NEB: variants seen among roughly 807,000 people sequenced by gnomAD.
NEB encodes the protein nemaline myopathy type 2.
A neutral mutation model predicts 952.2 loss-of-function variants in NEB; 512 were observed. That is an observed-to-expected ratio of 0.54 (90% CI 0.50 to 0.58). The LOEUF (loss-of-function observed/expected upper bound fraction) is 0.58. NEB is among the 20% of genes least tolerant of loss of function. NEB has a pLI of 0.00. For missense variants in NEB, 8,428 were observed against 9,231.1 expected (o/e 0.91, Z 3.56); for synonymous variants, 2,900 against 3,149.8 (o/e 0.92, Z 2.66).
At chr2:151,655,773 T>C in intron 50 of NEB, 44 bp downstream of exon 50, 1 of 1,589,504 alleles carries the variant, frequency 6.3e-7, no homozygotes, top group Non-Finnish European at 8.6e-7. Flanking sequence ...CCTGCTAGCC[T>C]TTCCTCACGT....
rs200297299 is a variant in NEB at position 151,727,817 on chromosome 2, T to C, written c.168A>G (p.Ala56=). 1 of 1,604,634 alleles carries C rather than the reference T, an allele frequency of 6.2e-7. No homozygotes were observed. Among genetic ancestry groups the C allele is most frequent in the East Asian group, 2.2e-5 (1 of 44,876 alleles). Residue 56 remains alanine (A), a synonymous_variant, in exon 5 of 182, where the codon GCA becomes GCG. Coordinates refer to ENST00000397345, the MANE Select transcript of NEB (RefSeq NM_001164508.2). The part of the protein sequence containing the change: ...ETSKPALAQP[A]LAQPASAKPV... Reference sequence around the variant, plus strand: ...GCTTTGCTGATGCTGGCTGTGCCAGTGCTGGCTGTGCCAGAGCTGGTTTGG... The same window carrying C: ...GCTTTGCTGATGCTGGCTGTGCCAGCGCTGGCTGTGCCAGAGCTGGTTTGG...
At chr2:151,560,528 T>C (rs1048424847) in intron 124 of NEB, 64 bp downstream of exon 124, 22 of 1,245,294 alleles carry the variant, frequency 1.8e-5, no homozygotes, top group Admixed American at 1.2e-4. Context: ...TGAAAGATTC[T>C]TGGAGTGGAG....
intron 57 of NEB, 27 bp downstream of exon 57, chr2:151,643,791 T>C: frequency 1.2e-6 from 2 of 1,602,658 alleles, no homozygotes; most frequent in Non-Finnish European, 1.7e-6. Context: ...TAATGTTTTG[T>C]TGGCCAAAGG....
At chr2:151,560,878 T>C in intron 123 of NEB, 126 bp downstream of exon 123, 4 of 765,918 alleles carry the variant, frequency 5.2e-6, no homozygotes. Flanking sequence ...TAAAGTAAGA[T>C]TGAAGGTCCA....
chr2:151,509,998 C>T (rs1163130700), intron 161 of NEB, among the ~76,000 whole-genome samples: 2 of 152,304 alleles, frequency 1.3e-5, no homozygotes, highest in South Asian at 2.1e-4. Flanking sequence ...TCAGAGCTTA[C>T]CTTTTAAGCT....
chr2:151,680,819 G>A lies in NEB; in HGVS notation c.2953C>T (p.Arg985Cys), dbSNP rs371287755. 35 of 1,611,302 alleles carry A rather than the reference G, an allele frequency of 2.2e-5. No homozygotes were observed. Among genetic ancestry groups the A allele is most frequent in the Middle Eastern group, 1.6e-4 (1 of 6,078 alleles). ...ASDILNEKKY[R>C]QHPDTLKFTS... is the part of the protein sequence containing the mutation. ...AACTTGAGGGTGTCTGGATGTTGGC[G>A]ATATTTTTTCTGTTTGGCAAATCAA... Residue 985 changes from arginine to cysteine, a missense_variant, in exon 30 of 182, where the codon CGC becomes TGC. Physicochemically the swap from Arg to Cys is radical, Grantham distance 180. Around this residue, in one of 11 missense-constraint regions of NEB, gnomAD observed 2,851 missense variants for 2,791.5 expected, o/e 1.02. Coordinates refer to ENST00000397345, the MANE Select transcript of NEB (RefSeq NM_001164508.2).
chr2:151,489,659 A>C (rs2152752793), intron 181 of NEB, among the ~76,000 whole-genome samples: 1 of 152,274 alleles, frequency 6.6e-6, no homozygotes, highest in South Asian at 2.1e-4. Flanking sequence ...AGCGTCCCAA[A>C]GTGCTGGCAT....
At chr2:151,675,200 T>C in intron 35 of NEB, 87 bp downstream of exon 35, 1 of 944,844 alleles carries the variant, frequency 1.1e-6, no homozygotes, top group South Asian at 1.4e-5. Context: ...TGGGCCTAAA[T>C]AAATTGTCAA....
chr2:151,634,982 G>A (rs151278908), intron 64 of NEB, among the ~76,000 whole-genome samples: 12 of 152,242 alleles, frequency 7.9e-5, no homozygotes, highest in South Asian at 2.1e-4. Context: ...ACAACTGACC[G>A]AGAAAGTGTA....
intron 112 of NEB, 43 bp from the exon 113 acceptor site, chr2:151,568,221 G>T (rs770684368): frequency 6.3e-7 from 1 of 1,593,450 alleles, no homozygotes; most frequent in East Asian, 2.2e-5. Context: ...TGAGGAGTCA[G>T]AAGGGAGGGG....
chr2:151,628,584 T>C (rs928961411), intron 68 of NEB, among the ~76,000 whole-genome samples: 57 of 152,296 alleles, frequency 3.7e-4, no homozygotes, highest in Non-Finnish European at 7.8e-4. Flanking sequence ...CTTATGCCTG[T>C]AATCCCAGCA....
intron 34 of NEB, 81 bp downstream of exon 34, chr2:151,677,484 A>T: frequency 9.1e-7 from 1 of 1,095,526 alleles, no homozygotes; most frequent in Non-Finnish European, 1.2e-6. Context: ...TTGGCCCAGA[A>T]AAAAAATATA....
At chr2:151,489,839 C>A in intron 181 of NEB, 132 bp downstream of exon 181, 2 of 527,154 alleles carry the variant, frequency 3.8e-6, no homozygotes, top group South Asian at 3.7e-5. Context: ...TAATATGAAA[C>A]ATGTAATAAA....
intron 84 of NEB, among the ~76,000 whole-genome samples, chr2:151,605,254 C>CA (rs1252913702): frequency 7.6e-6 from 1 of 130,966 alleles, no homozygotes; most frequent in Admixed American, 9.1e-5. Context: ...AGTTCATCCT[C>CA]ACAATGTCTC....
Position 151,512,851 on chromosome 2 carries a change from C to T in NEB, c.23242-14G>A, listed in dbSNP as rs1246644797. ...CTTATACTTAATCTGTAAAACAACA[C>T]CGAATAGTTGGGTAAATGTTTGCAA... On this transcript the variant is annotated splice_polypyrimidine_tract_variant and intron_variant, in intron 160 of 181. Transcript: ENST00000397345. The T allele has an allele frequency of 7.7e-6, 12 of 1,559,052 alleles. No individual in the cohort carries two copies. The highest frequency in any genetic ancestry group is 1.4e-5 in the African/African-American group (1 of 73,970).
At chr2:151,512,115 C>G (rs1475018581) in intron 161 of NEB, among the ~76,000 whole-genome samples, 1 of 147,922 alleles carries the variant, frequency 6.8e-6, no homozygotes, top group East Asian at 2.0e-4. Context: ...ACTGCAAGCT[C>G]TGCCTCCCGG....
At chr2:151,689,254 G>C (rs1292302597) in intron 24 of NEB, 1 of 136,364 alleles carries the variant, frequency 7.3e-6, no homozygotes, top group African/African-American at 2.8e-5. Flanking sequence ...ACCCAGGCTG[G>C]AGTACAGTGA....
At position 151,492,166 on chromosome 2, in the gene NEB, C is replaced by T. The variant is rs955142125; in HGVS notation, c.24989G>A (p.Arg8330Gln). The T allele has an allele frequency of 3.8e-5, 62 of 1,613,732 alleles. No individual in the cohort carries two copies. The highest frequency in any genetic ancestry group is 4.5e-5 in the Non-Finnish European group (53 of 1,179,864). ...TTCTACCACTTTCCTCTGAATACCT[C>T]GGTAGTTAATGTCACTGAAGTCCTG... ...NMQDFSDINY[R>Q]GIQRKVVEME... Residue 8330 changes from arginine (R) to glutamine (Q), a missense_variant, in exon 178 of 182, where the codon CGA becomes CAA. Arg to Gln is a conservative substitution (Grantham distance 43). This residue lies in a region of NEB where 3,374 missense variants were observed against 3,651.5 expected (regional missense o/e 0.92). Coordinates refer to ENST00000397345, the MANE Select transcript of NEB (RefSeq NM_001164508.2).
At chr2:151,504,612 T>C (rs765620043) in intron 165 of NEB, among the ~76,000 whole-genome samples, 1 of 152,208 alleles carries the variant, frequency 6.6e-6, no homozygotes, top group Non-Finnish European at 1.5e-5. Flanking sequence ...GAGAGTTCAG[T>C]CCTCCATTGA....
Sources: gnomAD v4.1 joint callset for allele counts (sites outside exome capture counted in the v4.1 genomes callset) on GRCh38, gnomAD v4.1.1 for gene constraint, gnomAD v4.1.1 regional missense constraint, MANE v1.5 for transcripts, NCBI Gene and HGNC (gene_info 2026-07-23, HGNC 2026-07-21) for gene names.